The following FSIP2 variants were observed in gnomAD, a reference collection of about 807,000 sequenced individuals.
FSIP2 encodes fibrous sheath-interacting protein 2.
In FSIP2, 367 loss-of-function variants were observed where a neutral mutation model predicts 510.5. The observed-to-expected ratio is 0.72, with a 90% CI of 0.66 to 0.78. FSIP2 has a LOEUF of 0.78. Ranked by LOEUF, FSIP2 falls within the 30% of genes least tolerant of loss-of-function variation. The pLI, the probability that FSIP2 is intolerant of heterozygous loss-of-function variation, is 0.00. For synonymous variants in FSIP2, 2,601 were observed against 2,732.2 expected (o/e 0.95, Z 1.50); for missense variants, 7,594 against 7,901.7 (o/e 0.96, Z 1.48).
In FSIP2 at chr2:185,803,660, A is replaced by AT; in HGVS notation, c.14355dup (p.Thr4786TyrfsTer7). The stretch of plus-strand genomic sequence containing the variant: ...TTCCAAAGACAAGCTTCAACAATGT[A>AT]TACCACTATGTTATCACATAGTCAT... On this transcript the variant is annotated frameshift_variant, in exon 17 of 23. Coordinates refer to ENST00000424728, the MANE Select transcript of FSIP2 (RefSeq NM_173651.4). LOFTEE classifies it high-confidence loss of function. 1 of 1,530,722 alleles carries AT rather than the reference A, an allele frequency of 6.5e-7. No individual in the cohort carries two copies. The highest frequency in any genetic ancestry group is 8.7e-7 in the Non-Finnish European group (1 of 1,143,688). 94.8% of individuals were successfully genotyped at this position (1,530,722 alleles called of 1,614,324 possible). A position where few individuals can be genotyped will look rare whatever the true frequency, so the allele number is the denominator to read the frequency against.
In FSIP2 at chr2:185,796,371, C is replaced by G. The variant is rs1693278455; in HGVS notation, c.9235C>G (p.Leu3079Val). ...LRVHSFHSQL[L>V]TYAVNIISDM... is the part of the protein sequence containing the mutation. ...GGTTCATTCATTCCATTCACAATTA[C>G]TTACATATGCTGTTAATATCATCAG... Residue 3079 changes from leucine (L) to valine (V), a missense_variant, in exon 16 of 23, where the codon CTT becomes GTT. Coordinates refer to ENST00000424728, the MANE Select transcript of FSIP2 (RefSeq NM_173651.4). 1 of 1,533,722 alleles carries G rather than the reference C, an allele frequency of 6.5e-7. No homozygotes were observed. Among genetic ancestry groups the G allele is most frequent in the Non-Finnish European group, 8.7e-7 (1 of 1,145,236 alleles).
chr2:185,796,703 GT>G lies in FSIP2; in HGVS notation c.9571del (p.Cys3191ValfsTer6). The G allele has an allele frequency of 6.5e-7, 1 of 1,535,114 alleles. No homozygotes were observed. Among genetic ancestry groups the G allele is most frequent in the Non-Finnish European group, 8.7e-7 (1 of 1,146,278 alleles). ...PSQVSKTGFV[F>X]CSDEDMKEKY... ...CACAAGTGAGTAAAACTGGGTTTGT[GT>G]TTTGTTCAGATGAAGATATGAAAGA... On this transcript the variant is annotated frameshift_variant, in exon 16 of 23. Transcript: ENST00000424728. LOFTEE classifies it high-confidence loss of function.
In FSIP2 at chr2:185,797,327, T is replaced by C. The variant is rs1048942630; in HGVS notation, c.10191T>C (p.Asn3397=). The C allele has an allele frequency of 6.6e-7, 1 of 1,524,066 alleles. No homozygotes were observed. Among genetic ancestry groups the C allele is most frequent in the African/African-American group, 1.4e-5 (1 of 71,678 alleles). 94.4% of individuals were successfully genotyped at this position (1,524,066 alleles called of 1,614,324 possible). The part of the protein sequence containing the change: ...KKINYIPEEE[N]ENLEASREDS... ...TCAACTATATACCTGAGGAAGAAAA[T>C]GAAAACCTTGAAGCCAGCCGGGAAG... The change falls in exon 16 of 23, where the codon AAT becomes AAC. Residue 3397 remains asparagine, a synonymous_variant. Coordinates refer to ENST00000424728, the MANE Select transcript of FSIP2 (RefSeq NM_173651.4).
chr2:185,781,096 G>GCC, intron 13 of FSIP2, among the ~76,000 whole-genome samples: 1 of 141,950 alleles, frequency 7.0e-6, no homozygotes, highest in Non-Finnish European at 1.5e-5. Flanking sequence ...TGAAGATGTA[G>GCC]CTCATTGGGA....
In FSIP2 at chr2:185,789,768, G is replaced by C. The variant is rs1693075136; in HGVS notation, c.2632G>C (p.Asp878His). The change falls in exon 16 of 23, where the codon GAT becomes CAT. Residue 878 changes from aspartate (D) to histidine (H), a missense_variant. Transcript: ENST00000424728. ...CAAAAATAAATCTAGTCTTGAATCT[G>C]ATGAAGCTAGTTTAATTGTCAATGA... Reference protein sequence around the residue: ...AGKNKSSLESDEASLIVNEEV... With the variant: ...AGKNKSSLESHEASLIVNEEV... 4.6e-6 allele frequency: 7 copies of C among 1,534,286 alleles called. No homozygotes were observed. The Admixed American group carries it at 1.2e-4, about 26-fold the overall frequency.
At chr2:185,757,840 T>C (rs1220811054) in intron 9 of FSIP2, among the ~76,000 whole-genome samples, 1 of 151,326 alleles carries the variant, frequency 6.6e-6, no homozygotes, top group Non-Finnish European at 1.5e-5. Context: ...TTTGTACAAT[T>C]ACATGTATAA....
chr2:185,800,437 G>A lies in FSIP2; in HGVS notation c.11131G>A (p.Glu3711Lys), dbSNP rs761019733. ...NIVSDLFSPD[E>K]CLDTGMDSGK... ...TGTTTCAGATTTATTTTCACCAGATGAATGCCTAGATACGGGTATGGATTC... is the reference window on the plus strand; with the variant it reads ...TGTTTCAGATTTATTTTCACCAGATAAATGCCTAGATACGGGTATGGATTC... Residue 3711 changes from glutamate to lysine, a missense_variant, in exon 17 of 23, where the codon GAA (glutamate) becomes AAA (lysine). Physicochemically the swap from Glu to Lys is moderately conservative, Grantham distance 56. Coordinates refer to ENST00000424728, the MANE Select transcript of FSIP2 (RefSeq NM_173651.4). The A allele has an allele frequency of 1.9e-5, 29 of 1,528,386 alleles. No individual in the cohort carries two copies. In the South Asian group the frequency reaches 3.4e-4, roughly 18 times the overall value. The allele number at this position is 1,528,386 out of a possible 1,614,324, so 94.7% of individuals were successfully genotyped here. A position where few individuals can be genotyped will look rare whatever the true frequency, so the allele number is the denominator to read the frequency against.
rs1693487929 is a variant in FSIP2, at chr2:185,803,444, T to A, written c.14138T>A (p.Val4713Asp). Reference sequence around the variant, plus strand: ...GTTTTGCAAGAATATGAAATGGAAGTCGTGCCCAATAAAGATTTTCTAAAT... The same window carrying A: ...GTTTTGCAAGAATATGAAATGGAAGACGTGCCCAATAAAGATTTTCTAAAT... ...SKVLQEYEME[V>D]VPNKDFLNDT... The change falls in exon 17 of 23, where the codon GTC becomes GAC. Residue 4713 changes from valine (V) to aspartate (D), a missense_variant. By Grantham distance (152) the Val-to-Asp change is radical. Coordinates refer to ENST00000424728, the MANE Select transcript of FSIP2 (RefSeq NM_173651.4). 6.5e-7 allele frequency: 1 copy of A among 1,529,860 alleles called. No individual in the cohort carries two copies. The highest frequency in any genetic ancestry group is 1.4e-5 in the African/African-American group (1 of 72,626). 94.8% of individuals were successfully genotyped at this position (1,529,860 alleles called of 1,614,324 possible).
chr2:185,797,739 A>T (rs1338596877), intron 16 of FSIP2: 2 of 525,336 alleles, frequency 3.8e-6, no homozygotes, highest in Non-Finnish European at 6.8e-6. Flanking sequence ...CTGAGGCTAG[A>T]GTACAGTGGC....
chr2:185,783,124 G>A (rs1048713873), intron 14 of FSIP2, among the ~76,000 whole-genome samples: 2 of 152,070 alleles, frequency 1.3e-5, no homozygotes, highest in Non-Finnish European at 2.9e-5. Context: ...ATTATTGGCT[G>A]TCTAAGGCTG....
Position 185,792,714 on chromosome 2 carries a change from A to G in FSIP2, c.5578A>G (p.Thr1860Ala). Residue 1860 changes from threonine (T) to alanine (A), a missense_variant, in exon 16 of 23, where the codon ACA (threonine) becomes GCA (alanine). Coordinates refer to ENST00000424728, the MANE Select transcript of FSIP2 (RefSeq NM_173651.4). Reference sequence around the variant, plus strand: ...TCACAAACTTTATTCAGCTGCCATGACAGAAAGAAATGTAAGGGAAAATAG... The same window carrying G: ...TCACAAACTTTATTCAGCTGCCATGGCAGAAAGAAATGTAAGGGAAAATAG... ...VFHKLYSAAM[T>A]ERNVRENRYK... 6.5e-7 allele frequency: 1 copy of G among 1,534,012 alleles called. No individual in the cohort carries two copies. The highest frequency in any genetic ancestry group is 8.7e-7 in the Non-Finnish European group (1 of 1,145,490).
At chr2:185,787,623 T>C (rs1338049434) in intron 15 of FSIP2, among the ~76,000 whole-genome samples, 2 of 151,786 alleles carry the variant, frequency 1.3e-5, no homozygotes, top group African/African-American at 4.8e-5. Context: ...AAGATGAGTT[T>C]TGTAAGCACA....
At position 185,789,270 on chromosome 2, in the gene FSIP2, T is replaced by C. The variant is rs1166947374; in HGVS notation, c.2134T>C (p.Leu712=). The change falls in exon 16 of 23, where the codon TTG becomes CTG. Residue 712 remains leucine (L), a synonymous_variant. Coordinates refer to ENST00000424728, the MANE Select transcript of FSIP2 (RefSeq NM_173651.4). The part of the protein sequence containing the change: ...GETEVILESI[L]REIMSDLTQA... The stretch of plus-strand genomic sequence containing the variant: ...AACTGAAGTGATTTTAGAAAGCATT[T>C]TGCGAGAAATAATGTCTGATTTAAC... The C allele has an allele frequency of 4.6e-6, 7 of 1,534,648 alleles. No homozygotes were observed. In the East Asian group the frequency reaches 1.7e-4, roughly 38 times the overall value.
In FSIP2 at chr2:185,807,947, C is replaced by A. The variant is rs749300781; in HGVS notation, c.18641C>A (p.Ser6214Ter). The A allele has an allele frequency of 6.2e-7, 1 of 1,606,642 alleles. No individual in the cohort carries two copies. Among genetic ancestry groups the A allele is most frequent in the Non-Finnish European group, 8.5e-7 (1 of 1,177,298 alleles). Residue 6214 changes from serine to a stop codon, truncating the protein, a stop_gained, in exon 17 of 23, where the codon TCA becomes TAA. Transcript: ENST00000424728. LOFTEE classifies it high-confidence loss of function. ...GAGACTGATATGCAAAAAATAACTT[C>A]AAAAGTACTAAATTCAGTCCAAGAA... is the stretch of plus-strand genomic sequence containing the variant. Reference protein sequence around the residue: ...SLETDMQKITSKVLNSVQEFI... With the variant: ...SLETDMQKIT
intron 13 of FSIP2, among the ~76,000 whole-genome samples, chr2:185,782,239 G>A (rs1474211655): frequency 6.6e-6 from 1 of 152,166 alleles, no homozygotes; most frequent in Non-Finnish European, 1.5e-5. Flanking sequence ...AGCATGATGA[G>A]TTTTATAATA....
rs936450962 is a variant in FSIP2 at position 185,800,189 on chromosome 2, A to G, written c.10883A>G (p.Asn3628Ser). The change falls in exon 17 of 23, where the codon AAT (asparagine) becomes AGT (serine). Residue 3628 changes from asparagine (N) to serine (S), a missense_variant. Transcript: ENST00000424728. ...GAAGTAGATTATCACTTTGAAAGCA[A>G]TGTAAGAAACAAATCATTTTCTATG... ...EIEVDYHFES[N>S]VRNKSFSMHR... 2.6e-6 allele frequency: 4 copies of G among 1,532,578 alleles called. No homozygotes were observed. Among genetic ancestry groups the G allele is most frequent in the African/African-American group, 1.4e-5 (1 of 72,812 alleles). 94.9% of individuals were successfully genotyped at this position (1,532,578 alleles called of 1,614,324 possible).
At position 185,789,489 on chromosome 2, in the gene FSIP2, G is replaced by A. The variant is rs867040905; in HGVS notation, c.2353G>A (p.Asp785Asn). ...VEMFSQDLSV[D>N]IKPSLAASDE... ...GATGTTTTCACAAGATTTGTCAGTC[G>A]ACATTAAACCAAGTTTAGCAGCCAG... Residue 785 changes from aspartate (D) to asparagine (N), a missense_variant, in exon 16 of 23, where the codon GAC (aspartate) becomes AAC (asparagine). Asp to Asn is a conservative substitution (Grantham distance 23). Transcript: ENST00000424728. 10 of 1,534,448 alleles carry A rather than the reference G, an allele frequency of 6.5e-6. No homozygotes were observed. The Admixed American group carries it at 9.8e-5, about 15-fold the overall frequency.
In FSIP2 at chr2:185,816,174, CATGTT is replaced by C. The variant is rs1400426087; in HGVS notation, c.20426+706_20426+710del. 3.5e-5 allele frequency among the ~76,000 whole-genome samples: 5 copies of C among 142,892 alleles called. No individual in the cohort carries two copies. In the South Asian group the frequency reaches 9.6e-4, roughly 28 times the overall value. The allele number at this position is 142,892 out of a possible 152,430, so 93.7% of individuals were successfully genotyped here. On this transcript the variant is annotated intron_variant, in intron 19 of 22. Coordinates refer to ENST00000424728, the MANE Select transcript of FSIP2 (RefSeq NM_173651.4). ...CATTTTTTATTTGGGGAGAAGTACTCATGTTATACACAGAAAAATCTAGTGATTTT... is the reference window on the plus strand; with the variant it reads ...CATTTTTTATTTGGGGAGAAGTACTCATACACAGAAAAATCTAGTGATTTT...
Position 185,789,153 on chromosome 2 carries a change from T to A in FSIP2, c.2017T>A (p.Ser673Thr). ...ATTETDSLGS[S>T]LHCDKTAKAM... ...CACTGAAACAGATAGCTTAGGGAGT[T>A]CATTGCATTGTGATAAAACAGCAAA... Residue 673 changes from serine to threonine, a missense_variant, in exon 16 of 23, where the codon TCA becomes ACA. By Grantham distance (58) the Ser-to-Thr change is moderately conservative. Coordinates refer to ENST00000424728, the MANE Select transcript of FSIP2 (RefSeq NM_173651.4). 1 of 1,535,078 alleles carries A rather than the reference T, an allele frequency of 6.5e-7. No homozygotes were observed. The highest frequency in any genetic ancestry group is 8.7e-7 in the Non-Finnish European group (1 of 1,146,036).
Sources: allele counts gnomAD v4.1 joint callset (sites outside exome capture counted in the v4.1 genomes callset), GRCh38; gene constraint gnomAD v4.1.1; transcripts MANE v1.5; gene names NCBI Gene and HGNC (gene_info 2026-07-23, HGNC 2026-07-21).